The following UBR1 variants were observed in gnomAD, a reference collection of about 807,000 sequenced individuals.
UBR1 encodes E3 ubiquitin-protein ligase UBR1.
A neutral mutation model predicts 242.1 loss-of-function variants in UBR1; 102 were observed. The observed-to-expected ratio is 0.42, with a 90% CI of 0.36 to 0.50. UBR1 has a LOEUF of 0.50. Ranked by LOEUF, UBR1 falls within the 20% of genes least tolerant of loss-of-function variation. The pLI, the probability that UBR1 is intolerant of heterozygous loss-of-function variation, is 0.01. For missense variants in UBR1, 1,772 were observed against 2,101.8 expected, an observed-to-expected ratio of 0.84 and a Z score of 3.07; for synonymous variants, 675 against 684.8, an observed-to-expected ratio of 0.99 and a Z score of 0.22.
intron 15 of UBR1, among the ~76,000 whole-genome samples, chr15:43,041,405 G>A (rs896741784): frequency 5.3e-5 from 8 of 152,008 alleles, no homozygotes; most frequent in African/African-American, 1.5e-4. Flanking sequence ...AGAACACCTG[G>A]ACACAAGAAG....
intron 1 of UBR1, among the ~76,000 whole-genome samples, chr15:43,095,895 T>A (rs1031733348): frequency 9.2e-5 from 14 of 152,242 alleles, no homozygotes; most frequent in Non-Finnish European, 7.3e-5. Flanking sequence ...AGTTTAAGAC[T>A]ACCACAATAG....
At chr15:43,068,089 TAAAAA>T in intron 5 of UBR1, 53 bp from the exon 6 acceptor site, 82 of 786,890 alleles carry the variant, frequency 1.0e-4, no homozygotes, top group Middle Eastern at 4.7e-4. Flanking sequence ...AAAGGAAAAG[TAAAAA>T]AAAAAAAAAA....
At chr15:42,995,560 C>G (rs953480412) in intron 33 of UBR1, among the ~76,000 whole-genome samples, 5 of 151,606 alleles carry the variant, frequency 3.3e-5, no homozygotes, top group Non-Finnish European at 5.9e-5. Flanking sequence ...CCCAGCTACT[C>G]GAGAGGTTGA....
At chr15:43,087,744 T>TAAAACATGTAAAA (rs2141362261) in intron 1 of UBR1, among the ~76,000 whole-genome samples, 1 of 152,256 alleles carries the variant, frequency 6.6e-6, no homozygotes, top group South Asian at 2.1e-4. Flanking sequence ...AAAAAGAAAG[T>TAAAACATGTAAAA]ATTTTTTTTT....
chr15:43,047,351 G>T, intron 13 of UBR1, 62 bp from the exon 14 acceptor site: 1 of 1,610,022 alleles, frequency 6.2e-7, no homozygotes. Context: ...TCTGCTCTTG[G>T]CAAAATATAA....
intron 14 of UBR1, among the ~76,000 whole-genome samples, chr15:43,044,312 G>A (rs1350216752): frequency 2.6e-5 from 4 of 152,246 alleles, no homozygotes; most frequent in South Asian, 4.1e-4. Context: ...AGTAGACAAA[G>A]AAACCAACAG....
Position 43,082,678 on chromosome 15 carries a change from T to A in UBR1, c.377A>T (p.Asp126Val). The A allele has an allele frequency of 6.2e-7, 1 of 1,613,858 alleles. No individual in the cohort carries two copies. Among genetic ancestry groups the A allele is most frequent in the Non-Finnish European group, 8.5e-7 (1 of 1,179,872 alleles). The change falls in exon 3 of 47, where the codon GAC becomes GTC. Residue 126 changes from aspartate to valine, a missense_variant. This residue lies in a region of UBR1 where 734 missense variants were observed against 893.3 expected (regional missense o/e 0.82). Coordinates refer to ENST00000290650, the MANE Select transcript of UBR1 (RefSeq NM_174916.3). ...AIDPTCVLCM[D>V]CFQDSVHKNH... ...TTTATGAACACTGTCCTGGAAGCAG[T>A]CCATACAGAGTACACATGTTGGATC...
chr15:43,069,814 C>T (rs965330541), intron 5 of UBR1, among the ~76,000 whole-genome samples: 2 of 152,150 alleles, frequency 1.3e-5, no homozygotes, highest in Admixed American at 6.5e-5. Context: ...AAGCAATCCT[C>T]GTTTTTTTAT....
chr15:43,021,102 A>G lies in UBR1; in HGVS notation c.2940+173T>C, dbSNP rs544373295. 518 of 563,668 alleles carry G rather than the reference A, an allele frequency of 9.2e-4. 3 individuals carry two copies. Among genetic ancestry groups the G allele is most frequent in the South Asian group, 7.5e-3 (350 of 46,896 alleles). The allele number at this position is 563,668 out of a possible 1,614,324, so 34.9% of individuals were successfully genotyped here. On this transcript the variant is annotated intron_variant, in intron 27 of 46. Transcript: ENST00000290650. Reference sequence around the variant, plus strand: ...AAAAAAAATGAATAAATCTTAGTTTATTTTTAAAACTACAATAAAATATAG... The same window carrying G: ...AAAAAAAATGAATAAATCTTAGTTTGTTTTTAAAACTACAATAAAATATAG...
chr15:42,966,919 TTTA>T (rs2032114841), intron 40 of UBR1, among the ~76,000 whole-genome samples: 2 of 152,042 alleles, frequency 1.3e-5, no homozygotes, highest in South Asian at 2.1e-4. Context: ...TTTTCAAATT[TTTA>T]TTATTATTAT....
chr15:43,080,072 AAAC>A (rs1295879351), intron 3 of UBR1, among the ~76,000 whole-genome samples: 1 of 152,234 alleles, frequency 6.6e-6, no homozygotes, highest in African/African-American at 2.4e-5. Context: ...GTAAGGAACC[AAAC>A]AATAAATATT....
intron 23 of UBR1, 190 bp from the exon 24 acceptor site, chr15:43,025,619 T>C (rs2141306077): frequency 1.8e-6 from 1 of 571,396 alleles, no homozygotes; most frequent in Non-Finnish European, 3.1e-6. Context: ...AGATGAGGAA[T>C]ATCCCTGATC....
chr15:43,073,873 A>G (rs1215340533), intron 4 of UBR1, among the ~76,000 whole-genome samples: 1 of 152,214 alleles, frequency 6.6e-6, no homozygotes, highest in Admixed American at 6.5e-5. Flanking sequence ...TTGCTGTAAG[A>G]GCAGAATGGT....
In UBR1 at chr15:43,002,865, G is replaced by C. The variant is rs534331896; in HGVS notation, c.3510-161C>G. 9.2e-5 allele frequency among the ~76,000 whole-genome samples: 14 copies of C among 152,136 alleles called. 1 individual carries two copies. Among genetic ancestry groups the C allele is most frequent in the Non-Finnish European group, 1.9e-4 (13 of 68,014 alleles). ...AAACACACAAGTTGTAATTATAGAA[G>C]AAACAGGTTGCCCATTATTTTGGGG... On this transcript the variant is annotated intron_variant, in intron 31 of 46. Coordinates refer to ENST00000290650, the MANE Select transcript of UBR1 (RefSeq NM_174916.3).
chr15:43,043,416 A>G (rs761124376), intron 14 of UBR1, 21 bp from the exon 15 acceptor site: 1 of 1,613,120 alleles, frequency 6.2e-7, no homozygotes, highest in Non-Finnish European at 8.5e-7. Flanking sequence ...AATAAGATAC[A>G]AAAAGTTGAC....
chr15:42,950,531 G>A (rs1216649519), intron 45 of UBR1, 168 bp from the exon 46 acceptor site: 2 of 639,964 alleles, frequency 3.1e-6, no homozygotes, highest in African/African-American at 3.7e-5. Flanking sequence ...CTAAATAAAA[G>A]AGAACACTTA....
At chr15:43,002,324 C>T (rs1179473778) in intron 32 of UBR1, among the ~76,000 whole-genome samples, 1 of 152,102 alleles carries the variant, frequency 6.6e-6, no homozygotes, top group Non-Finnish European at 1.5e-5. Context: ...AGTGATTCTC[C>T]CACCTCAGCC....
intron 31 of UBR1, among the ~76,000 whole-genome samples, chr15:43,003,547 C>T (rs1419751744): frequency 6.6e-6 from 1 of 152,216 alleles, no homozygotes; most frequent in Non-Finnish European, 1.5e-5. Flanking sequence ...TGAGCCACCA[C>T]GCCCGGCCAA....
At position 42,993,351 on chromosome 15, in the gene UBR1, A is replaced by G. The variant is rs530471265; in HGVS notation, c.3758-3231T>C. 7.2e-4 allele frequency among the ~76,000 whole-genome samples: 109 copies of G among 150,572 alleles called. 1 individual carries two copies. Among genetic ancestry groups the G allele is most frequent in the Non-Finnish European group, 1.4e-3 (94 of 67,694 alleles). ...GAAAGTATGAGGAATTAGAGATTGGATTTTATGAAATGTCTTTTTTTTTTT... is the reference window on the plus strand; with the variant it reads ...GAAAGTATGAGGAATTAGAGATTGGGTTTTATGAAATGTCTTTTTTTTTTT... On this transcript the variant is annotated intron_variant, in intron 33 of 46. Coordinates refer to ENST00000290650, the MANE Select transcript of UBR1 (RefSeq NM_174916.3).
Sources: allele counts gnomAD v4.1 joint callset (sites outside exome capture counted in the v4.1 genomes callset), GRCh38; gene constraint gnomAD v4.1.1; regional missense constraint gnomAD v4.1.1; transcripts MANE v1.5; gene names NCBI Gene and HGNC (gene_info 2026-07-23, HGNC 2026-07-21).